VTCN1: variants seen among roughly 807,000 people sequenced by gnomAD.
The protein encoded by VTCN1 is V-set domain containing T cell activation inhibitor 1, also known as V-set domain-containing T-cell activation inhibitor 1.
Under a neutral mutation model 26.5 loss-of-function variants are expected in VTCN1, and 26 were observed. The ratio of observed to expected loss-of-function variants is 0.98; its 90% CI spans 0.72 to 1.36. The LOEUF is 1.36. Among genes scored for constraint, VTCN1 ranks in the 40% most tolerant of loss-of-function variants. The pLI is 0.00. For missense variants in VTCN1, 298 were observed against 337.7 expected (o/e 0.88, Z 0.92); for synonymous variants, 116 against 130.7 (o/e 0.89, Z 0.77).
chr1:117,162,034 A>C (rs934733380), intron 2 of VTCN1, among the ~76,000 whole-genome samples: 40 of 152,194 alleles, frequency 2.6e-4, no homozygotes, highest in African/African-American at 9.7e-4. Flanking sequence ...CTCCCAGAGA[A>C]GTTAATGATT....
At chr1:117,179,338 G>T (rs550146196) in intron 1 of VTCN1, among the ~76,000 whole-genome samples, 28 of 152,280 alleles carry the variant, frequency 1.8e-4, no homozygotes, top group African/African-American at 6.7e-4. Context: ...TCAGGGCGGT[G>T]ATATGACTGG....
intron 3 of VTCN1, 129 bp from the exon 4 acceptor site, chr1:117,153,498 G>A (rs1651912323): frequency 7.6e-6 from 8 of 1,052,826 alleles, no homozygotes; most frequent in African/African-American, 1.7e-5. Context: ...AAGCCACTCA[G>A]TACTTCCTCA....
Position 117,146,141 on chromosome 1 carries a change from C to G in VTCN1, c.*46-916G>C, listed in dbSNP as rs1033806315. 3.9e-5 allele frequency among the ~76,000 whole-genome samples: 6 copies of G among 152,082 alleles called. No homozygotes were observed. Among genetic ancestry groups the G allele is most frequent in the African/African-American group, 1.4e-4 (6 of 41,402 alleles). ...GGAATACAAGGTAAAGATGAGTCAGCTATGTTATATAGGACATATTATTTA... is the reference window on the plus strand; with the variant it reads ...GGAATACAAGGTAAAGATGAGTCAGGTATGTTATATAGGACATATTATTTA... On this transcript the variant is annotated intron_variant, in intron 5 of 5. Coordinates refer to ENST00000369458, the MANE Select transcript of VTCN1 (RefSeq NM_024626.4). This position sits in a 1 kb window ranked among gnomAD's most constrained non-coding sequence, Gnocchi z 4.2.
chr1:117,178,180 C>A (rs1647466154), intron 1 of VTCN1, among the ~76,000 whole-genome samples: 1 of 151,972 alleles, frequency 6.6e-6, no homozygotes. Flanking sequence ...CTCAAGTGAT[C>A]CTCCCATTTT....
intron 1 of VTCN1, among the ~76,000 whole-genome samples, chr1:117,186,990 A>T (rs1647975369): frequency 6.6e-6 from 1 of 152,076 alleles, no homozygotes; most frequent in Non-Finnish European, 1.5e-5. Context: ...CAAACCTTTA[A>T]AAAAGGAGCT....
chr1:117,155,904 C>T lies in VTCN1; in HGVS notation c.445+670G>A, dbSNP rs557323630. On this transcript the variant is annotated intron_variant, in intron 3 of 5. Coordinates refer to ENST00000369458, the MANE Select transcript of VTCN1 (RefSeq NM_024626.4). The surrounding 1 kb of genome is among the most constrained non-coding windows in gnomAD (Gnocchi z 4.8). ...TATATTTCTCTTAAAGCATTTGATA[C>T]ACTTTACTAATTATTATCATTTACA... 1.1e-4 allele frequency among the ~76,000 whole-genome samples: 17 copies of T among 152,268 alleles called. No homozygotes were observed. The highest frequency in any genetic ancestry group is 1.0e-3 in the Admixed American group (16 of 15,300).
chr1:117,185,269 G>T (rs1259179395), intron 1 of VTCN1, among the ~76,000 whole-genome samples: 1 of 152,122 alleles, frequency 6.6e-6, no homozygotes, highest in South Asian at 2.1e-4. Flanking sequence ...AGAAACCAGG[G>T]CCCTATGGGA....
intron 1 of VTCN1, among the ~76,000 whole-genome samples, chr1:117,179,107 T>C (rs1362075305): frequency 6.6e-6 from 1 of 152,204 alleles, no homozygotes; most frequent in Non-Finnish European, 1.5e-5. Context: ...CTGATTAACA[T>C]GCATACTTAG....
intron 1 of VTCN1, among the ~76,000 whole-genome samples, chr1:117,207,675 T>A (rs569963954): frequency 1.3e-5 from 2 of 152,260 alleles, no homozygotes; most frequent in East Asian, 3.9e-4. Flanking sequence ...CAGGGGAATC[T>A]CAAGCTCAAC....
intron 1 of VTCN1, among the ~76,000 whole-genome samples, chr1:117,196,488 T>C (rs984009015): frequency 6.6e-6 from 1 of 151,872 alleles, no homozygotes; most frequent in East Asian, 1.9e-4. Context: ...CCGATAGATA[T>C]TTTTTTCCTT....
intron 1 of VTCN1, among the ~76,000 whole-genome samples, chr1:117,206,758 C>T (rs566097475): frequency 2.2e-4 from 34 of 152,244 alleles, no homozygotes; most frequent in African/African-American, 7.5e-4. Context: ...GGCATTTGAG[C>T]TGAATATTGA....
intron 1 of VTCN1, among the ~76,000 whole-genome samples, chr1:117,204,489 T>C (rs79689028): frequency 0.025 from 3,735 of 152,214 alleles, 145 homozygotes; most frequent in African/African-American, 0.085. Flanking sequence ...GATTTGTGGA[T>C]TCTTGCTGCT....
chr1:117,161,997 TCA>T lies in VTCN1; in HGVS notation c.98-5078_98-5077del, dbSNP rs1296614850. Reference sequence around the variant, plus strand: ...TAATTTTAATATGTTGGCCTTGAGCTCACAGTTAGGGAATCCGTTGAAATATC... The same window carrying T: ...TAATTTTAATATGTTGGCCTTGAGCTCAGTTAGGGAATCCGTTGAAATATC... On this transcript the variant is annotated intron_variant, in intron 2 of 5. Transcript: ENST00000369458. This position sits in a 1 kb window ranked among gnomAD's most constrained non-coding sequence, Gnocchi z 4.3. Among the ~76,000 whole-genome samples the T allele has an allele frequency of 2.0e-5, 3 of 152,206 alleles. No homozygotes were observed. The highest frequency in any genetic ancestry group is 4.4e-5 in the Non-Finnish European group (3 of 68,038).
intron 3 of VTCN1, among the ~76,000 whole-genome samples, chr1:117,153,809 C>T (rs914919574): frequency 1.3e-5 from 2 of 152,146 alleles, no homozygotes; most frequent in Admixed American, 1.3e-4. Flanking sequence ...AAGAAACAAA[C>T]AGCATTCATC....
At chr1:117,151,049 T>C (rs1016901209) in intron 4 of VTCN1, among the ~76,000 whole-genome samples, 1 of 152,214 alleles carries the variant, frequency 6.6e-6, no homozygotes, top group Non-Finnish European at 1.5e-5. Flanking sequence ...TTCTATCTCT[T>C]GACTTTGGTG....
At position 117,146,959 on chromosome 1, in the gene VTCN1, G is replaced by A. The variant is rs1047875732; in HGVS notation, c.*45+654C>T. On this transcript the variant is annotated intron_variant, in intron 5 of 5. Coordinates refer to ENST00000369458, the MANE Select transcript of VTCN1 (RefSeq NM_024626.4). The surrounding 1 kb of genome is among the most constrained non-coding windows in gnomAD (Gnocchi z 4.2). The stretch of plus-strand genomic sequence containing the variant: ...CACAGGGGAAAATGTGATAGGTAGG[G>A]GTTGATAAGAAATTGACATGCGGGA... Among the ~76,000 whole-genome samples, 2 of 152,118 alleles carry A rather than the reference G, an allele frequency of 1.3e-5. No homozygotes were observed. Among genetic ancestry groups the A allele is most frequent in the East Asian group, 3.9e-4 (2 of 5,194 alleles).
At chr1:117,196,389 C>CATATAT (rs751834042) in intron 1 of VTCN1, among the ~76,000 whole-genome samples, 1 of 148,246 alleles carries the variant, frequency 6.7e-6, no homozygotes, top group African/African-American at 2.5e-5. Context: ...GTATTAAATA[C>CATATAT]ATATATATAT....
chr1:117,204,736 T>A (rs1432863123), intron 1 of VTCN1, among the ~76,000 whole-genome samples: 2 of 151,924 alleles, frequency 1.3e-5, no homozygotes, highest in Non-Finnish European at 2.9e-5. Flanking sequence ...TGTGGTGGCA[T>A]GCACCTGTAG....
Position 117,173,473 on chromosome 1 carries a change from G to T in VTCN1, c.33-3302C>A, listed in dbSNP as rs1273639685. Among the ~76,000 whole-genome samples, 3 of 152,174 alleles carry T rather than the reference G, an allele frequency of 2.0e-5. No individual in the cohort carries two copies. The South Asian group carries it at 6.2e-4, about 32-fold the overall frequency. The stretch of plus-strand genomic sequence containing the variant: ...GCAAAACTCCAGAATCTGGGAGAGA[G>T]ATGCAATGGATTCTCTTTCACTGCT... On this transcript the variant is annotated intron_variant, in intron 1 of 5. Transcript: ENST00000369458.
Sources: allele counts gnomAD v4.1 joint callset (sites outside exome capture counted in the v4.1 genomes callset), GRCh38; gene constraint gnomAD v4.1.1; non-coding constraint Gnocchi (gnomAD v3.1); transcripts MANE v1.5; gene names NCBI Gene and HGNC (gene_info 2026-07-23, HGNC 2026-07-21).